MTNR1B: variants seen among roughly 807,000 people sequenced by gnomAD.
MTNR1B encodes melatonin receptor type 1B.
A neutral mutation model predicts 7.0 loss-of-function variants in MTNR1B; 7 were observed. That is an observed-to-expected ratio of 1.00 (90% confidence interval 0.57 to 1.88). The LOEUF (loss-of-function observed/expected upper bound fraction) is 1.88. Ranked by LOEUF, MTNR1B falls within the 40% of genes most tolerant of loss-of-function variation. MTNR1B has a pLI of 0.00. For missense variants in MTNR1B, 478 were observed against 486.5 expected (o/e 0.98, Z 0.16); for synonymous variants, 226 against 208.2 (o/e 1.09, Z -0.74).
Position 92,982,107 on chromosome 11 carries a change from T to C in MTNR1B, c.884T>C (p.Leu295Ser), listed in dbSNP as rs1858120042. 1 of 1,614,102 alleles carries C rather than the reference T, an allele frequency of 6.2e-7. No individual in the cohort carries two copies. The highest frequency in any genetic ancestry group is 1.7e-5 in the Admixed American group (1 of 60,012). ...IPEGLFVTSY[L>S]LAYFNSCLNA... is the part of the protein sequence containing the mutation. ...GAGGGGCTATTTGTCACTAGCTACT[T>C]ACTGGCTTATTTCAACAGCTGCCTG... Residue 295 changes from leucine (L) to serine (S), a missense_variant, in exon 2 of 2, where the codon TTA (leucine) becomes TCA (serine). Coordinates refer to ENST00000257068, the MANE Select transcript of MTNR1B (RefSeq NM_005959.5).
intron 1 of MTNR1B, among the ~76,000 whole-genome samples, chr11:92,980,167 G>A (rs1202181801): frequency 6.6e-6 from 1 of 152,146 alleles, no homozygotes; most frequent in Non-Finnish European, 1.5e-5. Flanking sequence ...TTGCTGACTT[G>A]GGAGTTCCTC....
At chr11:92,984,229 G>A (rs1043398847), downstream of MTNR1B, among the ~76,000 whole-genome samples, 1 of 152,190 alleles carries the variant, frequency 6.6e-6, no homozygotes, top group African/African-American at 2.4e-5. Context: ...GCTGGGTGCT[G>A]TGCTTAGTCC....
chr11:92,981,413 C>G (rs1858099558), intron 1 of MTNR1B, 34 bp from the exon 2 acceptor site: 2 of 1,590,230 alleles, frequency 1.3e-6, no homozygotes, highest in Non-Finnish European at 1.7e-6. Flanking sequence ...GTCGTGGGGT[C>G]TCGTGCTGAC....
Position 92,982,458 on chromosome 11 carries a change from C to A in MTNR1B, c.*146C>A. 1 of 986,890 alleles carries A rather than the reference C, an allele frequency of 1.0e-6. No individual in the cohort carries two copies. The highest frequency in any genetic ancestry group is 1.5e-6 in the Non-Finnish European group (1 of 688,634). 61.1% of individuals were successfully genotyped at this position (986,890 alleles called of 1,614,324 possible). ...AGGCTGGGGGAACTTCATGCTGGGA[C>A]AAGCAGCCCATCAACGCCATGGGTT... On this transcript the variant is annotated 3_prime_UTR_variant, in exon 2 of 2. Coordinates refer to ENST00000257068, the MANE Select transcript of MTNR1B (RefSeq NM_005959.5).
At chr11:92,980,128 G>T (rs958013208) in intron 1 of MTNR1B, among the ~76,000 whole-genome samples, 1 of 152,174 alleles carries the variant, frequency 6.6e-6, no homozygotes, top group Non-Finnish European at 1.5e-5. Flanking sequence ...CAGACACATG[G>T]TGGCTGTGGA....
intron 1 of MTNR1B, among the ~76,000 whole-genome samples, chr11:92,975,138 C>T (rs1857993060): frequency 6.6e-6 from 1 of 152,194 alleles, no homozygotes; most frequent in South Asian, 2.1e-4. Context: ...ATATGCTGGC[C>T]ATATAAGAGA....
At chr11:92,977,658 T>C (rs1157377200) in intron 1 of MTNR1B, among the ~76,000 whole-genome samples, 1 of 152,226 alleles carries the variant, frequency 6.6e-6, no homozygotes. Context: ...CACCACCTTG[T>C]TCTGGCCTTT....
downstream of MTNR1B, among the ~76,000 whole-genome samples, chr11:92,984,561 C>G (rs917122407): frequency 6.6e-6 from 1 of 152,218 alleles, no homozygotes; most frequent in African/African-American, 2.4e-5. Context: ...CCCCTAGACA[C>G]AAACTACAGA....
chr11:92,981,454 G>A lies in MTNR1B; in HGVS notation c.231G>A (p.Leu77=). 6.2e-7 allele frequency: 1 copy of A among 1,612,282 alleles called. No homozygotes were observed. Among genetic ancestry groups the A allele is most frequent in the Non-Finnish European group, 8.5e-7 (1 of 1,178,824 alleles). The change falls in exon 2 of 2, where the codon TTG becomes TTA. Residue 77 remains leucine (L), a synonymous_variant. Coordinates refer to ENST00000257068, the MANE Select transcript of MTNR1B (RefSeq NM_005959.5). The part of the protein sequence containing the change: ...RNRKLRNAGN[L]FLVSLALADL... ...CTCTGTTTGCTGCTTCAGGTAATTT[G>A]TTCTTGGTGAGTCTGGCATTGGCTG...
intron 1 of MTNR1B, among the ~76,000 whole-genome samples, chr11:92,970,331 C>T (rs1405052191): frequency 5.3e-5 from 8 of 152,232 alleles, no homozygotes; most frequent in Admixed American, 3.3e-4. Flanking sequence ...TGACATCCCA[C>T]TTCCTTCCTT....
At chr11:92,984,162 T>A (rs1858162483), downstream of MTNR1B, among the ~76,000 whole-genome samples, 1 of 152,188 alleles carries the variant, frequency 6.6e-6, no homozygotes, top group African/African-American at 2.4e-5. Flanking sequence ...CTTGGTGTGC[T>A]GACCTCTTAG....
chr11:92,982,610 C>A lies in MTNR1B; in HGVS notation c.*298C>A. The A allele has an allele frequency of 2.6e-6, 1 of 391,512 alleles. No homozygotes were observed. The highest frequency in any genetic ancestry group is 7.0e-4 in the Middle Eastern group (1 of 1,430). 24.3% of individuals were successfully genotyped at this position (391,512 alleles called of 1,614,324 possible). A position where few individuals can be genotyped will look rare whatever the true frequency, so the allele number is the denominator to read the frequency against. On this transcript the variant is annotated 3_prime_UTR_variant, in exon 2 of 2. Coordinates refer to ENST00000257068, the MANE Select transcript of MTNR1B (RefSeq NM_005959.5). ...GAGGAAAGGCCTGGGGCAGAAGAGC[C>A]CAACTCCTTCTCATAGCTGACCCTC...
chr11:92,977,930 A>G (rs1858036225), intron 1 of MTNR1B, among the ~76,000 whole-genome samples: 1 of 152,182 alleles, frequency 6.6e-6, no homozygotes, highest in Admixed American at 6.5e-5. Context: ...CCTTGTTTTT[A>G]TTTGTTTAAT....
intron 1 of MTNR1B, among the ~76,000 whole-genome samples, chr11:92,980,427 C>T (rs1323507028): frequency 6.6e-6 from 1 of 152,148 alleles, no homozygotes; most frequent in Non-Finnish European, 1.5e-5. Flanking sequence ...ATTGCCCAAA[C>T]GTTTAGGTTC....
rs1300273223 is a variant in MTNR1B at position 92,982,177 on chromosome 11, A to G, written c.954A>G (p.Glu318=). ...TCTTGAACCAAAACTTCCGCAGGGAATACAAGAGGATCCTCTTGGCCCTTT... is the reference window on the plus strand; with the variant it reads ...TCTTGAACCAAAACTTCCGCAGGGAGTACAAGAGGATCCTCTTGGCCCTTT... The part of the protein sequence containing the change: ...YGLLNQNFRR[E]YKRILLALWN... The change falls in exon 2 of 2, where the codon GAA becomes GAG. Residue 318 remains glutamate (E), a synonymous_variant. Coordinates refer to ENST00000257068, the MANE Select transcript of MTNR1B (RefSeq NM_005959.5). 70 of 1,614,228 alleles carry G rather than the reference A, an allele frequency of 4.3e-5. No homozygotes were observed. The highest frequency in any genetic ancestry group is 5.8e-5 in the Non-Finnish European group (69 of 1,180,038).
At position 92,982,466 on chromosome 11, in the gene MTNR1B, C is replaced by A. The variant is rs1021243554; in HGVS notation, c.*154C>A. 5.6e-5 allele frequency: 49 copies of A among 871,258 alleles called. No individual in the cohort carries two copies. The highest frequency in any genetic ancestry group is 7.2e-5 in the Non-Finnish European group (42 of 584,210). The allele number at this position is 871,258 out of a possible 1,614,324, so 54.0% of individuals were successfully genotyped here. ...GGAACTTCATGCTGGGACAAGCAGCCCATCAACGCCATGGGTTCAGGCTGA... is the reference window on the plus strand; with the variant it reads ...GGAACTTCATGCTGGGACAAGCAGCACATCAACGCCATGGGTTCAGGCTGA... On this transcript the variant is annotated 3_prime_UTR_variant, in exon 2 of 2. Coordinates refer to ENST00000257068, the MANE Select transcript of MTNR1B (RefSeq NM_005959.5).
chr11:92,980,555 C>G (rs1435021415), intron 1 of MTNR1B, among the ~76,000 whole-genome samples: 3 of 152,180 alleles, frequency 2.0e-5, no homozygotes, highest in Non-Finnish European at 4.4e-5. Flanking sequence ...TAGAACATGC[C>G]TGAAGCATAT....
chr11:92,975,897 TTA>T (rs1399568036), intron 1 of MTNR1B, among the ~76,000 whole-genome samples: 2 of 152,190 alleles, frequency 1.3e-5, no homozygotes, highest in African/African-American at 4.8e-5. Flanking sequence ...CCTGCAATGT[TTA>T]GAGTGCCATT....
chr11:92,982,936 A>ACCCCCCCCCCCCC (rs71473980), downstream of MTNR1B, among the ~76,000 whole-genome samples: 5 of 49,172 alleles, frequency 1.0e-4, 2 homozygotes, highest in Non-Finnish European at 2.0e-4. Flanking sequence ...AACACACTGC[A>ACCCCCCCCCCCCC]CCCCCCCCCC....
Sources: gnomAD v4.1 joint callset for allele counts (sites outside exome capture counted in the v4.1 genomes callset) on GRCh38, gnomAD v4.1.1 for gene constraint, MANE v1.5 for transcripts, NCBI Gene and HGNC (gene_info 2026-07-23, HGNC 2026-07-21) for gene names.